The following DMXL2 variants were observed in gnomAD, a reference collection of about 807,000 sequenced individuals.
DMXL2 encodes dmX-like protein 2.
A neutral mutation model predicts 331.1 loss-of-function variants in DMXL2; 103 were observed. That is an observed-to-expected ratio of 0.31 (90% CI 0.27 to 0.37). The LOEUF (loss-of-function observed/expected upper bound fraction) is 0.37. Ranked by LOEUF, DMXL2 falls within the 10% of genes least tolerant of loss-of-function variation. The probability of loss-of-function intolerance (pLI) is 1.00; values close to 1 mark genes in which losing one functional copy is unlikely to be tolerated. For missense variants in DMXL2, 3,171 were observed against 3,642.9 expected (o/e 0.87, Z 3.33); for synonymous variants, 1,281 against 1,252.1 (o/e 1.02, Z -0.49).
At chr15:51,597,065 G>C (rs1250461717) in intron 1 of DMXL2, among the ~76,000 whole-genome samples, 1 of 151,954 alleles carries the variant, frequency 6.6e-6, no homozygotes, top group Admixed American at 6.6e-5. Context: ...AAAACTTAAA[G>C]TATAATAATA....
intron 19 of DMXL2, among the ~76,000 whole-genome samples, chr15:51,493,650 A>G (rs1021881704): frequency 6.6e-6 from 1 of 152,160 alleles, no homozygotes; most frequent in East Asian, 1.9e-4. Flanking sequence ...CTCATCGCCA[A>G]TGTTTTAACT....
Position 51,499,274 on chromosome 15 carries a change from A to T in DMXL2, c.3950T>A (p.Ile1317Asn). The change falls in exon 18 of 44, where the codon ATT (isoleucine) becomes AAT (asparagine). Residue 1317 changes from isoleucine (I) to asparagine (N), a missense_variant. Transcript: ENST00000560891. ...ARKSVVEGTA[I>N]SDDVFCSPTV... The stretch of plus-strand genomic sequence containing the variant: ...TGGTGAACAAAAAACATCATCAGAA[A>T]TAGCTGTTCCTTCAACAACACTTTT... 6.2e-7 allele frequency: 1 copy of T among 1,613,956 alleles called. No individual in the cohort carries two copies. Among genetic ancestry groups the T allele is most frequent in the South Asian group, 1.1e-5 (1 of 91,082 alleles).
intron 43 of DMXL2, 60 bp downstream of exon 43, chr15:51,450,069 T>G: frequency 6.9e-7 from 1 of 1,450,140 alleles, no homozygotes; most frequent in Non-Finnish European, 9.5e-7. Flanking sequence ...AATGTGGAGT[T>G]TTTGTTTTTT....
intron 1 of DMXL2, among the ~76,000 whole-genome samples, chr15:51,608,654 T>G (rs1177932401): frequency 2.0e-5 from 3 of 152,096 alleles, no homozygotes; most frequent in African/African-American, 7.2e-5. Context: ...GAACTATACT[T>G]ATTACCTGGG....
chr15:51,568,488 C>T lies in DMXL2; in HGVS notation c.284G>A (p.Cys95Tyr). Residue 95 changes from cysteine to tyrosine, a missense_variant and splice_region_variant, in exon 3 of 44, where the codon TGT (cysteine) becomes TAT (tyrosine). Cys to Tyr is a radical substitution (Grantham distance 194, BLOSUM62 -2). Coordinates refer to ENST00000560891, the MANE Select transcript of DMXL2 (RefSeq NM_001378457.1). ...PLGINSHKRNCQLKCQWLKTG... is the reference protein window; with the variant it reads ...PLGINSHKRNYQLKCQWLKTG... ...ATTCTATTATTGGTTAATACTTACA[C>T]AATTTCTTTTATGAGAATTTATGCC... 1 of 1,543,252 alleles carries T rather than the reference C, an allele frequency of 6.5e-7. No homozygotes were observed. The highest frequency in any genetic ancestry group is 8.8e-7 in the Non-Finnish European group (1 of 1,141,978).
At chr15:51,553,880 T>C (rs2049381455) in intron 6 of DMXL2, among the ~76,000 whole-genome samples, 3 of 151,992 alleles carry the variant, frequency 2.0e-5, no homozygotes, top group South Asian at 4.2e-4. Flanking sequence ...TTCCAGTCAA[T>C]AGTAGACTAT....
At chr15:51,534,014 T>C (rs942513195) in intron 13 of DMXL2, among the ~76,000 whole-genome samples, 5 of 151,962 alleles carry the variant, frequency 3.3e-5, no homozygotes, top group Admixed American at 1.3e-4. Flanking sequence ...ATAGGAAAAA[T>C]AGGTCTACAT....
chr15:51,622,376 G>A (rs1374134496), intron 1 of DMXL2, 83 bp downstream of exon 1: 50 of 1,527,800 alleles, frequency 3.3e-5, no homozygotes, highest in East Asian at 9.9e-5. Context: ...GCCTCCTGAG[G>A]AGGCGTGCGC....
chr15:51,557,392 T>C lies in DMXL2; in HGVS notation c.567+5989A>G, dbSNP rs1386960681. 3.3e-5 allele frequency among the ~76,000 whole-genome samples: 5 copies of C among 152,130 alleles called. No individual in the cohort carries two copies. In the East Asian group the frequency reaches 9.6e-4, roughly 29 times the overall value. On this transcript the variant is annotated intron_variant, in intron 6 of 43. Transcript: ENST00000560891. ...TGAGGAAAAAAAGGTCTAAAATAAA[T>C]GGATACATCATGTTCATAAACGGGA... is the stretch of plus-strand genomic sequence containing the variant.
At chr15:51,576,013 C>A (rs747724828) in intron 2 of DMXL2, 43 bp downstream of exon 2, 2 of 1,545,964 alleles carry the variant, frequency 1.3e-6, no homozygotes, top group Non-Finnish European at 1.8e-6. Context: ...GATTATTAAA[C>A]ACATTTTTAA....
chr15:51,546,100 T>C (rs2048875357), intron 7 of DMXL2, among the ~76,000 whole-genome samples: 1 of 152,186 alleles, frequency 6.6e-6, no homozygotes, highest in Admixed American at 6.6e-5. Flanking sequence ...GATCATTAAA[T>C]GTAATTAAAC....
rs1200855490 is a variant in DMXL2 at position 51,568,569 on chromosome 15, A to G, written c.214-11T>C. 2 of 1,541,140 alleles carry G rather than the reference A, an allele frequency of 1.3e-6. No individual in the cohort carries two copies. The highest frequency in any genetic ancestry group is 1.7e-4 in the Middle Eastern group (1 of 5,876). On this transcript the variant is annotated splice_polypyrimidine_tract_variant and intron_variant, in intron 2 of 43. Transcript: ENST00000560891. ...ATATGAAGCTGCAATCTAAAAAAGA[A>G]TAAATACAGCATTAATATCTAGAAA... is the stretch of plus-strand genomic sequence containing the variant.
chr15:51,537,887 A>C (rs1219843268), intron 10 of DMXL2, 128 bp from the exon 11 acceptor site: 1 of 1,151,180 alleles, frequency 8.7e-7, no homozygotes. Context: ...AAAAAAAAAC[A>C]AAGGAAACTT....
intron 26 of DMXL2, 44 bp downstream of exon 26, chr15:51,478,227 A>C: frequency 6.7e-7 from 1 of 1,502,896 alleles, no homozygotes; most frequent in African/African-American, 1.4e-5. Context: ...GAACAGTTTA[A>C]TGTTTTTGCT....
Position 51,481,451 on chromosome 15 carries a change from G to T in DMXL2, c.5655C>A (p.Phe1885Leu). 6.2e-7 allele frequency: 1 copy of T among 1,612,816 alleles called. No individual in the cohort carries two copies. Among genetic ancestry groups the T allele is most frequent in the Non-Finnish European group, 8.5e-7 (1 of 1,179,500 alleles). ...DKINLIERKL[F>L]FTTANAHFKV... ...TAAAATGAGCATTTGCAGTGGTAAA[G>T]AATAATTTTCTTTCTATGAGGTTAA... The change falls in exon 24 of 44, where the codon TTC becomes TTA. Residue 1885 changes from phenylalanine (F) to leucine (L), a missense_variant. Physicochemically the swap from Phe to Leu is conservative, Grantham distance 22. Transcript: ENST00000560891.
intron 1 of DMXL2, among the ~76,000 whole-genome samples, chr15:51,598,293 C>T (rs920012097): frequency 2.0e-5 from 3 of 152,138 alleles, no homozygotes; most frequent in African/African-American, 7.2e-5. Context: ...TCTGCTTTAC[C>T]CTTGTCTCTG....
intron 33 of DMXL2, 128 bp from the exon 34 acceptor site, chr15:51,459,788 CA>C: frequency 6.7e-6 from 8 of 1,201,548 alleles, no homozygotes; most frequent in Non-Finnish European, 8.5e-6. Flanking sequence ...TTTGCAAAAT[CA>C]AGAAAAAATT....
intron 9 of DMXL2, among the ~76,000 whole-genome samples, chr15:51,539,079 G>C (rs764713718): frequency 2.0e-5 from 3 of 151,782 alleles, no homozygotes; most frequent in Non-Finnish European, 4.4e-5. Flanking sequence ...GTGTGGCGGG[G>C]TGTGCCTGTA....
In DMXL2 at chr15:51,576,183, TAAAAAA is replaced by T. The variant is rs3078066; in HGVS notation, c.88-8_88-3del. On this transcript the variant is annotated splice_region_variant and splice_polypyrimidine_tract_variant and intron_variant, in intron 1 of 43. Coordinates refer to ENST00000560891, the MANE Select transcript of DMXL2 (RefSeq NM_001378457.1). ...AATATCACAGCCTGATCCATATGCC[TAAAAAA>T]AAAAAAAAAAAAAAGTTTTACAATA... 57 of 626,060 alleles carry T rather than the reference TAAAAAA, an allele frequency of 9.1e-5. 1 individual carries two copies. Among genetic ancestry groups the T allele is most frequent in the South Asian group, 2.6e-4 (6 of 23,382 alleles). The allele number at this position is 626,060 out of a possible 1,614,324, so 38.8% of individuals were successfully genotyped here. A position where few individuals can be genotyped will look rare whatever the true frequency, so the allele number is the denominator to read the frequency against.
Sources: allele counts gnomAD v4.1 joint callset (sites outside exome capture counted in the v4.1 genomes callset), GRCh38; gene constraint gnomAD v4.1.1; transcripts MANE v1.5; gene names NCBI Gene and HGNC (gene_info 2026-07-23, HGNC 2026-07-21).